TMEM232: variants seen among roughly 807,000 people sequenced by gnomAD.
TMEM232 encodes transmembrane protein 232.
Under a neutral mutation model 78.8 loss-of-function variants are expected in TMEM232, and 80 were observed. The ratio of observed to expected loss-of-function variants is 1.01; its 90% CI spans 0.85 to 1.22. The LOEUF is 1.22. Ranked by LOEUF, TMEM232 falls within the 50% of genes most tolerant of loss-of-function variation. The pLI, the probability that TMEM232 is intolerant of heterozygous loss-of-function variation, is 0.00. For missense variants in TMEM232, 881 were observed against 742.2 expected (o/e 1.19, Z -2.17); for synonymous variants, 297 against 254.3 (o/e 1.17, Z -1.60).
intron 12 of TMEM232, among the ~76,000 whole-genome samples, chr5:110,463,371 A>C (rs977044997): frequency 6.6e-6 from 1 of 152,220 alleles, no homozygotes; most frequent in Non-Finnish European, 1.5e-5. Flanking sequence ...TGCTTCATAG[A>C]CTACAGTATA....
At chr5:110,570,745 T>C (rs1288489924) in intron 10 of TMEM232, among the ~76,000 whole-genome samples, 7 of 152,030 alleles carry the variant, frequency 4.6e-5, no homozygotes, top group Non-Finnish European at 7.4e-5. Context: ...TAATCCACGT[T>C]GTGGAAACTG....
At chr5:110,643,845 T>C (rs1787086906) in intron 2 of TMEM232, among the ~76,000 whole-genome samples, 1 of 151,978 alleles carries the variant, frequency 6.6e-6, no homozygotes, top group African/African-American at 2.4e-5. Context: ...TGATAAGGTG[T>C]TCTGTAAACT....
intron 11 of TMEM232, among the ~76,000 whole-genome samples, chr5:110,530,851 T>C (rs1771350301): frequency 1.3e-5 from 2 of 152,202 alleles, no homozygotes; most frequent in Non-Finnish European, 2.9e-5. Flanking sequence ...TGAGAGTAGA[T>C]GTTAAATGTT....
chr5:110,661,278 A>C lies in TMEM232; in HGVS notation c.125+5950T>G, dbSNP rs375733079. 5.9e-5 allele frequency among the ~76,000 whole-genome samples: 9 copies of C among 152,266 alleles called. 1 individual carries two copies. Among genetic ancestry groups the C allele is most frequent in the East Asian group, 5.8e-4 (3 of 5,174 alleles). ...TTCCATATCTTGGCTATTGTGAATA[A>C]TGCTACAAGTAACATGAGAGGACAG... On this transcript the variant is annotated intron_variant, in intron 2 of 13. Coordinates refer to ENST00000455884, the MANE Select transcript of TMEM232 (RefSeq NM_001039763.4).
chr5:110,597,662 A>G (rs1385359702), intron 10 of TMEM232, among the ~76,000 whole-genome samples: 4 of 151,800 alleles, frequency 2.6e-5, no homozygotes, highest in African/African-American at 7.3e-5. Flanking sequence ...GTACCAAAAC[A>G]GAGATATAGA....
intron 12 of TMEM232, among the ~76,000 whole-genome samples, chr5:110,502,928 TG>T (rs1318737996): frequency 1.3e-5 from 2 of 152,236 alleles, no homozygotes; most frequent in African/African-American, 4.8e-5. Flanking sequence ...TATTATCATC[TG>T]GTTAATTTCA....
chr5:110,637,478 C>T (rs1477763101), intron 5 of TMEM232, among the ~76,000 whole-genome samples: 6 of 151,634 alleles, frequency 4.0e-5, no homozygotes, highest in African/African-American at 9.7e-5. Flanking sequence ...CTCTCATGCT[C>T]GATTTCTAAC....
At chr5:110,679,994 T>C (rs1287425201) in intron 1 of TMEM232, among the ~76,000 whole-genome samples, 1 of 152,188 alleles carries the variant, frequency 6.6e-6, no homozygotes, top group Non-Finnish European at 1.5e-5. Flanking sequence ...AGTAATCATA[T>C]GTCTGCTGAT....
At chr5:110,422,121 G>T (rs1269911813) in intron 13 of TMEM232, among the ~76,000 whole-genome samples, 4 of 152,044 alleles carry the variant, frequency 2.6e-5, no homozygotes, top group African/African-American at 9.7e-5. Flanking sequence ...AGTTGTTTAA[G>T]AAAATTACCA....
chr5:110,670,781 C>A (rs370393632), intron 1 of TMEM232, among the ~76,000 whole-genome samples: 7 of 151,976 alleles, frequency 4.6e-5, no homozygotes, highest in African/African-American at 1.7e-4. Context: ...GCATTTCTAC[C>A]TTAAAATGCA....
chr5:110,410,416 G>A (rs1755949627), intron 2 of TMEM232, among the ~76,000 whole-genome samples: 1 of 152,032 alleles, frequency 6.6e-6, no homozygotes, highest in African/African-American at 2.4e-5. Flanking sequence ...TCTACAGTGG[G>A]ATCAAAATTT....
At chr5:110,584,481 T>C (rs1324156693) in intron 10 of TMEM232, among the ~76,000 whole-genome samples, 1 of 152,092 alleles carries the variant, frequency 6.6e-6, no homozygotes, top group African/African-American at 2.4e-5. Context: ...AGAATGGCAG[T>C]TACCAGAGGT....
chr5:110,708,763 T>A (rs1282464811), intron 1 of TMEM232, among the ~76,000 whole-genome samples: 1 of 151,926 alleles, frequency 6.6e-6, no homozygotes, highest in African/African-American at 2.4e-5. Flanking sequence ...AATTAAGTCA[T>A]ACCACCAGAG....
At chr5:110,408,655 A>C (rs1192040808) in intron 2 of TMEM232, among the ~76,000 whole-genome samples, 1 of 152,120 alleles carries the variant, frequency 6.6e-6, no homozygotes, top group Non-Finnish European at 1.5e-5. Flanking sequence ...GTTTATTAAA[A>C]ATATAAACAA....
At chr5:110,566,407 G>T (rs1340027869) in intron 11 of TMEM232, among the ~76,000 whole-genome samples, 1 of 151,672 alleles carries the variant, frequency 6.6e-6, no homozygotes, top group Non-Finnish European at 1.5e-5. Flanking sequence ...CCAAAAAATG[G>T]GATGCAGGCT....
intron 12 of TMEM232, among the ~76,000 whole-genome samples, chr5:110,433,516 T>C (rs891699968): frequency 4.0e-5 from 6 of 151,742 alleles, no homozygotes; most frequent in African/African-American, 9.7e-5. Flanking sequence ...ATCAAGAAGA[T>C]AGAAAAATCT....
At chr5:110,657,017 A>T (rs1789171272) in intron 2 of TMEM232, among the ~76,000 whole-genome samples, 1 of 152,178 alleles carries the variant, frequency 6.6e-6, no homozygotes. Context: ...AATTGGGGTA[A>T]GTGCCATATC....
chr5:110,438,109 C>T (rs1758631122), intron 12 of TMEM232, among the ~76,000 whole-genome samples: 1 of 152,032 alleles, frequency 6.6e-6, no homozygotes, highest in Non-Finnish European at 1.5e-5. Context: ...CTGGGGACAC[C>T]AAGGAACTTG....
intron 10 of TMEM232, among the ~76,000 whole-genome samples, chr5:110,587,648 C>T (rs1778974295): frequency 8.2e-6 from 1 of 121,284 alleles, no homozygotes; most frequent in Non-Finnish European, 1.7e-5. Flanking sequence ...ATGATGGTTT[C>T]ATGGGTACAT....
Sources: gnomAD v4.1 joint callset for allele counts (sites outside exome capture counted in the v4.1 genomes callset) on GRCh38, gnomAD v4.1.1 for gene constraint, MANE v1.5 for transcripts, NCBI Gene and HGNC (gene_info 2026-07-23, HGNC 2026-07-21) for gene names.